The following TMX2 variants were observed in gnomAD, a reference collection of about 807,000 sequenced individuals.
The protein encoded by TMX2 is thioredoxin related transmembrane protein 2.
TMX2 carries 20 observed loss-of-function variants against 33.4 expected under a neutral mutation model. The observed-to-expected ratio is 0.60, with a 90% CI of 0.42 to 0.87. The LOEUF is 0.87. Among genes scored for constraint, TMX2 ranks in the 40% least tolerant of loss-of-function variants. The pLI, the probability that TMX2 is intolerant of heterozygous loss-of-function variation, is 0.00. For synonymous variants in TMX2, 166 were observed against 140.7 expected (o/e 1.18, Z -1.27); for missense variants, 340 against 370.7 (o/e 0.92, Z 0.68).
intron 1 of TMX2, among the ~76,000 whole-genome samples, chr11:57,717,279 C>G (rs574664002): frequency 6.6e-6 from 1 of 152,254 alleles, no homozygotes; most frequent in Non-Finnish European, 1.5e-5. Context: ...GGCAGAGACG[C>G]TCCTCACTTC....
chr11:57,730,214 G>A (rs1948275501), intron 1 of TMX2, among the ~76,000 whole-genome samples: 1 of 150,786 alleles, frequency 6.6e-6, no homozygotes, highest in African/African-American at 2.4e-5. Context: ...ATCACCTGAT[G>A]TCAGGAGTTC....
intron 1 of TMX2, among the ~76,000 whole-genome samples, chr11:57,721,086 G>C (rs1201167890): frequency 6.7e-6 from 1 of 149,682 alleles, no homozygotes; most frequent in Non-Finnish European, 1.5e-5. Flanking sequence ...TGGATTGCCT[G>C]AACTCAGGAG....
At chr11:57,731,348 G>A (rs1026742551) in intron 1 of TMX2, among the ~76,000 whole-genome samples, 2 of 149,906 alleles carry the variant, frequency 1.3e-5, no homozygotes, top group African/African-American at 4.9e-5. Context: ...TGGCCAGGCT[G>A]GTCTTGAACT....
intron 1 of TMX2, among the ~76,000 whole-genome samples, chr11:57,728,798 C>T (rs1948165093): frequency 6.6e-6 from 1 of 152,054 alleles, no homozygotes; most frequent in Non-Finnish European, 1.5e-5. Flanking sequence ...GAAAGGTGCC[C>T]CTGGGTGACT....
At chr11:57,712,911 C>A in intron 1 of TMX2, 104 bp downstream of exon 1, 1 of 1,271,348 alleles carries the variant, frequency 7.9e-7, no homozygotes, top group East Asian at 2.4e-5. Context: ...CCTGAGGTTC[C>A]GAGCCTGTAG....
At chr11:57,715,586 C>CTTTCTTTTTT (rs772545282) in intron 1 of TMX2, among the ~76,000 whole-genome samples, 14 of 130,108 alleles carry the variant, frequency 1.1e-4, no homozygotes, top group African/African-American at 3.8e-4. Flanking sequence ...AATTTGTTTT[C>CTTTCTTTTTT]TTTTTTTTTT....
At chr11:57,717,487 G>A (rs1013265829) in intron 1 of TMX2, among the ~76,000 whole-genome samples, 4 of 151,936 alleles carry the variant, frequency 2.6e-5, no homozygotes, top group African/African-American at 7.2e-5. Flanking sequence ...GATCACTCGC[G>A]GTTAGGAGCT....
intron 1 of TMX2, among the ~76,000 whole-genome samples, chr11:57,736,253 T>G (rs1948744672): frequency 6.6e-6 from 1 of 152,034 alleles, no homozygotes; most frequent in Non-Finnish European, 1.5e-5. Flanking sequence ...CAGGGTTATC[T>G]AATCTTTTGG....
intron 1 of TMX2, among the ~76,000 whole-genome samples, chr11:57,715,997 C>T (rs544948858): frequency 7.9e-5 from 12 of 152,220 alleles, no homozygotes; most frequent in East Asian, 1.9e-4. Context: ...TACACAGACA[C>T]GGCAACCATC....
intron 1 of TMX2, among the ~76,000 whole-genome samples, chr11:57,732,123 T>C (rs1283523596): frequency 6.6e-6 from 1 of 152,208 alleles, no homozygotes; most frequent in African/African-American, 2.4e-5. Context: ...TCTTTTTCTT[T>C]TTACTAGTGT....
chr11:57,713,406 G>A (rs11229102), intron 1 of TMX2, among the ~76,000 whole-genome samples: 5,574 of 152,200 alleles, frequency 0.037, 461 homozygotes, highest in East Asian at 0.35. Context: ...ATAAAATTTG[G>A]GGGCTACTGT....
At chr11:57,719,040 T>A (rs1358646018) in intron 1 of TMX2, among the ~76,000 whole-genome samples, 1 of 140,604 alleles carries the variant, frequency 7.1e-6, no homozygotes, top group East Asian at 2.0e-4. Context: ...TATATTTTTT[T>A]TTTTTTTTTT....
At chr11:57,736,555 C>T (rs778174967) in intron 1 of TMX2, among the ~76,000 whole-genome samples, 4 of 151,924 alleles carry the variant, frequency 2.6e-5, no homozygotes, top group Non-Finnish European at 5.9e-5. Flanking sequence ...ATCAAAAGTA[C>T]ATGGATTATC....
chr11:57,727,232 T>C (rs1346965594), intron 1 of TMX2, among the ~76,000 whole-genome samples: 1 of 152,140 alleles, frequency 6.6e-6, no homozygotes. Flanking sequence ...GGTCAGACCA[T>C]GTCCTCCCCC....
intron 1 of TMX2, among the ~76,000 whole-genome samples, chr11:57,732,019 C>G (rs1590956821): frequency 6.6e-6 from 1 of 152,154 alleles, no homozygotes; most frequent in East Asian, 1.9e-4. Context: ...GTTGCTACAC[C>G]TAAGACTAAT....
chr11:57,723,478 C>G (rs1161582844), intron 1 of TMX2, among the ~76,000 whole-genome samples: 2 of 128,936 alleles, frequency 1.6e-5, no homozygotes, highest in Non-Finnish European at 3.2e-5. Context: ...AGCAAAACTC[C>G]GTCTCAAAAA....
chr11:57,728,479 T>C (rs771130213), intron 1 of TMX2, among the ~76,000 whole-genome samples: 7 of 152,276 alleles, frequency 4.6e-5, no homozygotes, highest in South Asian at 4.2e-4. Context: ...CAGGGGCCCA[T>C]TGAAGCCCCA....
chr11:57,737,488 T>G, intron 1 of TMX2, 120 bp from the exon 2 acceptor site: 1 of 777,252 alleles, frequency 1.3e-6, no homozygotes. Context: ...CTGCAGTTCT[T>G]TATTGTTCCC....
chr11:57,738,305 C>G, intron 3 of TMX2, 49 bp from the exon 4 acceptor site: 1 of 1,396,770 alleles, frequency 7.2e-7, no homozygotes, highest in South Asian at 1.2e-5. Context: ...AGTAAATTCC[C>G]TGTGTAAGGC....
Sources: allele counts gnomAD v4.1 joint callset (sites outside exome capture counted in the v4.1 genomes callset), GRCh38; gene constraint gnomAD v4.1.1; transcripts MANE v1.5; gene names NCBI Gene and HGNC (gene_info 2026-07-23, HGNC 2026-07-21).